Variants in ANO3 observed in about 807,000 individuals in gnomAD.
ANO3 encodes anoctamin-3.
ANO3 carries 99 observed loss-of-function variants against 144.8 expected under a neutral mutation model. The observed-to-expected ratio is 0.68, with a 90% CI of 0.58 to 0.81. The LOEUF is 0.81. Among genes scored for constraint, ANO3 ranks in the 30% least tolerant of loss-of-function variants. The probability of loss-of-function intolerance (pLI) is 0.00; values close to 1 mark genes in which losing one functional copy is unlikely to be tolerated. For synonymous variants in ANO3, 414 were observed against 392.6 expected (o/e 1.05, Z -0.64); for missense variants, 905 against 1,202.2 (o/e 0.75, Z 3.66).
intron 4 of ANO3, among the ~76,000 whole-genome samples, chr11:26,482,083 A>G (rs929026584): frequency 6.6e-6 from 1 of 151,816 alleles, no homozygotes; most frequent in Admixed American, 6.6e-5. Context: ...CTTCTCTTAG[A>G]GACAGAGTCT....
At chr11:26,495,112 T>TTTATTTAC (rs1860879694) in intron 4 of ANO3, among the ~76,000 whole-genome samples, 1 of 97,886 alleles carries the variant, frequency 1.0e-5, no homozygotes, top group Admixed American at 1.1e-4. Flanking sequence ...TATTTATTTA[T>TTTATTTAC]TTATTTATTT....
intron 1 of ANO3, among the ~76,000 whole-genome samples, chr11:26,436,602 C>G (rs1025164034): frequency 6.6e-5 from 10 of 151,734 alleles, no homozygotes; most frequent in African/African-American, 2.4e-4. Context: ...TGGCTGGGGA[C>G]CTTGGTCAGG....
chr11:26,492,373 A>C lies in ANO3; in HGVS notation c.433-15731A>C, dbSNP rs7128699. 2.1e-3 allele frequency among the ~76,000 whole-genome samples: 312 copies of C among 152,088 alleles called. 3 individuals carry two copies. The highest frequency in any genetic ancestry group is 7.4e-3 in the African/African-American group (307 of 41,468). On this transcript the variant is annotated intron_variant, in intron 4 of 26. Transcript: ENST00000256737. ...CCTAATCCTATGGGTCATTCTACTT[A>C]TATAATGTCTGATTAGTAGAACTTA...
intron 1 of ANO3, among the ~76,000 whole-genome samples, chr11:26,319,831 T>A (rs563081108): frequency 1.0e-3 from 152 of 152,082 alleles, no homozygotes; most frequent in South Asian, 2.9e-3. Context: ...TTTATTTTTT[T>A]AAAAATATTT....
chr11:26,390,439 T>C (rs984664809), intron 1 of ANO3, among the ~76,000 whole-genome samples: 13 of 152,100 alleles, frequency 8.5e-5, no homozygotes, highest in Non-Finnish European at 1.8e-4. Flanking sequence ...TTGATGTGGC[T>C]AGACAATTTC....
intron 3 of ANO3, among the ~76,000 whole-genome samples, chr11:26,453,099 C>T (rs1461085073): frequency 1.3e-5 from 2 of 152,230 alleles, no homozygotes; most frequent in South Asian, 4.1e-4. Flanking sequence ...TGGAAAGGAA[C>T]AACCGGTACC....
intron 3 of ANO3, among the ~76,000 whole-genome samples, chr11:26,445,924 C>T (rs1809781): frequency 0.87 from 132,653 of 151,760 alleles, 58,529 homozygotes; most frequent in East Asian, 1. Context: ...CTCTGCCTGC[C>T]AGGTTCAAGC....
chr11:26,593,329 G>A (rs61878571), intron 14 of ANO3, among the ~76,000 whole-genome samples: 20,707 of 152,030 alleles, frequency 0.14, 1,725 homozygotes, highest in South Asian at 0.18. Context: ...GGGCTTTCAG[G>A]CATAATTAGA....
intron 10 of ANO3, 149 bp from the exon 11 acceptor site, chr11:26,541,795 CCAT>C: frequency 1.9e-6 from 1 of 535,404 alleles, no homozygotes; most frequent in East Asian, 3.2e-5. Flanking sequence ...GTAAAGGCAT[CCAT>C]CACATCATTC....
chr11:26,508,134 C>A lies in ANO3; in HGVS notation c.463C>A (p.Pro155Thr), dbSNP rs1861509126. 1 of 1,592,882 alleles carries A rather than the reference C, an allele frequency of 6.3e-7. No homozygotes were observed. Among genetic ancestry groups the A allele is most frequent in the African/African-American group, 1.4e-5 (1 of 73,512 alleles). ...NDMNYIASSGPLFKDGKKRID... is the reference protein window; with the variant it reads ...NDMNYIASSGTLFKDGKKRID... Reference sequence around the variant, plus strand: ...CATGAATTACATAGCATCCAGTGGACCTCTGTTCAAAGATGGCAAAAAGAG... The same window carrying A: ...CATGAATTACATAGCATCCAGTGGAACTCTGTTCAAAGATGGCAAAAAGAG... Residue 155 changes from proline to threonine, a missense_variant, in exon 5 of 27, where the codon CCT (proline) becomes ACT (threonine). Pro to Thr is a conservative substitution (Grantham distance 38, BLOSUM62 -1). Coordinates refer to ENST00000256737, the MANE Select transcript of ANO3 (RefSeq NM_031418.4).
chr11:26,489,400 C>T (rs543229967), intron 4 of ANO3, among the ~76,000 whole-genome samples: 2 of 152,332 alleles, frequency 1.3e-5, no homozygotes, highest in Admixed American at 1.3e-4. Context: ...GGGTGCAGCC[C>T]TCATGGAGAA....
intron 3 of ANO3, among the ~76,000 whole-genome samples, chr11:26,454,966 C>G (rs1397215808): frequency 6.8e-6 from 1 of 146,808 alleles, no homozygotes; most frequent in Non-Finnish European, 1.5e-5. Context: ...GAGCCAAAGA[C>G]AAAAACCACA....
intron 1 of ANO3, among the ~76,000 whole-genome samples, chr11:26,392,926 TG>T (rs1483358124): frequency 1.3e-5 from 2 of 152,140 alleles, no homozygotes; most frequent in Non-Finnish European, 2.9e-5. Flanking sequence ...GGTAAATGGA[TG>T]GTTCTGTAAT....
intron 1 of ANO3, among the ~76,000 whole-genome samples, chr11:26,384,130 A>C (rs1342174655): frequency 6.6e-6 from 1 of 151,440 alleles, no homozygotes; most frequent in Non-Finnish European, 1.5e-5. Flanking sequence ...TCAAACTCTT[A>C]AACTCGTGAT....
chr11:26,583,448 G>C (rs1851187288), intron 14 of ANO3, among the ~76,000 whole-genome samples: 1 of 152,220 alleles, frequency 6.6e-6, no homozygotes, highest in African/African-American at 2.4e-5. Context: ...AGCAGGTTTT[G>C]ACCAACCAGT....
chr11:26,654,520 T>A (rs961371571), intron 24 of ANO3, among the ~76,000 whole-genome samples: 2 of 152,180 alleles, frequency 1.3e-5, no homozygotes, highest in Admixed American at 1.3e-4. Flanking sequence ...TTATTTTATA[T>A]TTCCTATGTA....
chr11:26,438,611 A>AAAAAAAAAAAAAG (rs1565024983), intron 1 of ANO3, among the ~76,000 whole-genome samples: 85 of 35,466 alleles, frequency 2.4e-3, no homozygotes, highest in Non-Finnish European at 4.0e-3. Context: ...AAAAAAAAGA[A>AAAAAAAAAAAAAG]AAAAAAAAAA....
intron 1 of ANO3, among the ~76,000 whole-genome samples, chr11:26,298,272 C>T (rs1260756876): frequency 6.6e-6 from 1 of 151,970 alleles, no homozygotes; most frequent in Non-Finnish European, 1.5e-5. Flanking sequence ...CCCAGGGCAC[C>T]CACAAAGGGA....
At chr11:26,283,543 C>A (rs1239224078) in intron 1 of ANO3, among the ~76,000 whole-genome samples, 4 of 151,410 alleles carry the variant, frequency 2.6e-5, no homozygotes, top group African/African-American at 9.7e-5. Flanking sequence ...ATAATCACGA[C>A]CAGAACTGAG....
Sources: allele counts gnomAD v4.1 joint callset (sites outside exome capture counted in the v4.1 genomes callset), GRCh38; gene constraint gnomAD v4.1.1; transcripts MANE v1.5; gene names NCBI Gene and HGNC (gene_info 2026-07-23, HGNC 2026-07-21).